CD2AP: variants seen among roughly 807,000 people sequenced by gnomAD.
CD2AP encodes the protein CD2 associated protein.
CD2AP carries 46 observed loss-of-function variants against 85.1 expected under a neutral mutation model. The observed-to-expected ratio is 0.54, with a 90% confidence interval of 0.43 to 0.69. CD2AP has a LOEUF of 0.69. Ranked by LOEUF, CD2AP falls within the 30% of genes least tolerant of loss-of-function variation. CD2AP has a pLI of 0.00. For missense variants in CD2AP, 769 were observed against 729.5 expected (o/e 1.05, Z -0.62); for synonymous variants, 255 against 252.9 (o/e 1.01, Z -0.08).
intron 2 of CD2AP, among the ~76,000 whole-genome samples, chr6:47,522,783 T>C (rs140499628): frequency 7.9e-5 from 12 of 152,042 alleles, no homozygotes; most frequent in African/African-American, 2.6e-4. Context: ...TTTAAAAATG[T>C]TTATTTTCAG....
intron 11 of CD2AP, among the ~76,000 whole-genome samples, chr6:47,586,771 A>C (rs9357547): frequency 0.33 from 50,905 of 151,956 alleles, 9,351 homozygotes; most frequent in Middle Eastern, 0.52. Flanking sequence ...AAATATGTGA[A>C]TAGATATAGA....
chr6:47,617,023 A>G (rs779240259), intron 17 of CD2AP, among the ~76,000 whole-genome samples: 24 of 152,262 alleles, frequency 1.6e-4, no homozygotes, highest in Non-Finnish European at 2.9e-4. Flanking sequence ...GCTAGAGTAC[A>G]GTGACACAAT....
intron 16 of CD2AP, among the ~76,000 whole-genome samples, chr6:47,610,971 A>ATATATATATATATATATATTTTTTT: frequency 2.3e-4 from 26 of 112,864 alleles, no homozygotes; most frequent in African/African-American, 7.9e-4. Context: ...ATATATATGT[A>ATATATATATATATATATATTTTTTT]TTTTTTTTTT....
intron 2 of CD2AP, among the ~76,000 whole-genome samples, chr6:47,526,997 T>C (rs1185543800): frequency 6.6e-6 from 1 of 152,200 alleles, no homozygotes; most frequent in African/African-American, 2.4e-5. Flanking sequence ...AATTTTCTTA[T>C]GTGCATTACC....
At position 47,614,636 on chromosome 6, in the gene CD2AP, C is replaced by A. The variant is rs1769532525; in HGVS notation, c.1878+2100C>A. ...TTGTGAAAATTGTCAAAATGTGACACAGTGATACAAAGTGATCACATATTG... is the reference window on the plus strand; with the variant it reads ...TTGTGAAAATTGTCAAAATGTGACAAAGTGATACAAAGTGATCACATATTG... On this transcript the variant is annotated intron_variant, in intron 17 of 17. Transcript: ENST00000359314. Among the ~76,000 whole-genome samples the A allele has an allele frequency of 3.9e-5, 6 of 152,250 alleles. No homozygotes were observed. In the South Asian group the frequency reaches 1.2e-3, roughly 32 times the overall value.
intron 1 of CD2AP, 121 bp from the exon 2 acceptor site, chr6:47,503,159 G>C: frequency 1.1e-6 from 1 of 940,700 alleles, no homozygotes; most frequent in South Asian, 1.5e-5. Flanking sequence ...CAGCCTTGCT[G>C]ATGTCTTTGT....
At chr6:47,599,880 A>G (rs1347475658) in intron 13 of CD2AP, among the ~76,000 whole-genome samples, 3 of 152,010 alleles carry the variant, frequency 2.0e-5, no homozygotes, top group Non-Finnish European at 4.4e-5. Context: ...CCAGTGGAGG[A>G]AAATATGCTT....
chr6:47,576,890 A>G, intron 7 of CD2AP, 119 bp from the exon 8 acceptor site: 1 of 702,272 alleles, frequency 1.4e-6, no homozygotes, highest in Non-Finnish European at 2.6e-6. Context: ...TAAAATTTAA[A>G]GATAATTAAG....
intron 3 of CD2AP, among the ~76,000 whole-genome samples, chr6:47,541,290 A>T (rs970953583): frequency 2.5e-4 from 38 of 151,938 alleles, no homozygotes; most frequent in African/African-American, 9.2e-4. Flanking sequence ...CGCCCGGCTA[A>T]TTTTTTTGTA....
At chr6:47,545,364 T>A (rs1402710717) in intron 4 of CD2AP, among the ~76,000 whole-genome samples, 1 of 151,576 alleles carries the variant, frequency 6.6e-6, no homozygotes, top group Non-Finnish European at 1.5e-5. Context: ...CCAAGGAGAG[T>A]CTGAGATCAG....
chr6:47,483,792 G>GTT (rs1381345401), intron 1 of CD2AP, among the ~76,000 whole-genome samples: 101 of 113,964 alleles, frequency 8.9e-4, no homozygotes, highest in African/African-American at 2.5e-3. Flanking sequence ...TGATGTGCCT[G>GTT]TTTTTTTTTT....
At chr6:47,584,166 A>G (rs1484246676) in intron 11 of CD2AP, among the ~76,000 whole-genome samples, 1 of 152,032 alleles carries the variant, frequency 6.6e-6, no homozygotes, top group Non-Finnish European at 1.5e-5. Flanking sequence ...TGTCTTTTGC[A>G]AATATTTTCT....
Position 47,599,353 on chromosome 6 carries a change from T to TC in CD2AP, c.1328dup (p.Leu445ThrfsTer6). 6.2e-7 allele frequency: 1 copy of TC among 1,612,088 alleles called. No individual in the cohort carries two copies. Among genetic ancestry groups the TC allele is most frequent in the Non-Finnish European group, 8.5e-7 (1 of 1,178,724 alleles). ...ATCAAAATTTGAAACTGAGCCAGTA[T>TC]CAAAACTAAAGCTAGATTCTGAACA... On this transcript the variant is annotated frameshift_variant, in exon 13 of 18. Transcript: ENST00000359314. LOFTEE classifies it high-confidence loss of function.
intron 11 of CD2AP, among the ~76,000 whole-genome samples, chr6:47,589,343 T>A (rs988057444): frequency 1.4e-4 from 12 of 87,804 alleles, no homozygotes; most frequent in Non-Finnish European, 2.7e-4. Flanking sequence ...ATATATACAT[T>A]TAAGAAGTTG....
intron 2 of CD2AP, among the ~76,000 whole-genome samples, chr6:47,508,534 C>CTTT (rs374284567): frequency 1.2e-4 from 15 of 129,376 alleles, no homozygotes; most frequent in Non-Finnish European, 1.3e-4. Context: ...TTCTTTCTTT[C>CTTT]TTTTTTTTTT....
chr6:47,486,561 T>TC (rs1765570377), intron 1 of CD2AP, among the ~76,000 whole-genome samples: 1 of 152,086 alleles, frequency 6.6e-6, no homozygotes, highest in African/African-American at 2.4e-5. Flanking sequence ...CCAGTGATGA[T>TC]ATACTGAGTA....
chr6:47,516,339 A>G (rs1766452873), intron 2 of CD2AP, among the ~76,000 whole-genome samples: 1 of 152,228 alleles, frequency 6.6e-6, no homozygotes, highest in South Asian at 2.1e-4. Flanking sequence ...AGAGCATAGA[A>G]AATCACGTTC....
chr6:47,545,761 T>G (rs1767349308), intron 4 of CD2AP, among the ~76,000 whole-genome samples: 1 of 152,006 alleles, frequency 6.6e-6, no homozygotes, highest in Non-Finnish European at 1.5e-5. Flanking sequence ...AGAAGAGAGA[T>G]AATCTCTACA....
At chr6:47,494,184 G>A (rs1043408637) in intron 1 of CD2AP, among the ~76,000 whole-genome samples, 1 of 152,162 alleles carries the variant, frequency 6.6e-6, no homozygotes, top group African/African-American at 2.4e-5. Flanking sequence ...AATCGTTAGT[G>A]TGAGGATTTA....
Sources: gnomAD v4.1 joint callset for allele counts (sites outside exome capture counted in the v4.1 genomes callset) on GRCh38, gnomAD v4.1.1 for gene constraint, MANE v1.5 for transcripts, NCBI Gene and HGNC (gene_info 2026-07-23, HGNC 2026-07-21) for gene names.